The following PHF8 variants were observed in gnomAD, a reference collection of about 807,000 sequenced individuals.
PHF8 encodes histone lysine demethylase PHF8.
PHF8 carries 9 observed loss-of-function variants against 74.4 expected under a neutral mutation model. That is an observed-to-expected ratio of 0.12 (90% CI 0.07 to 0.21). The LOEUF is 0.21. Among genes scored for constraint, PHF8 ranks in the 10% least tolerant of loss-of-function variants. The pLI is 1.00. For missense variants in PHF8, 478 were observed against 816.6 expected, an observed-to-expected ratio of 0.59 and a Z score of 5.05; for synonymous variants, 311 against 316.6, an observed-to-expected ratio of 0.98 and a Z score of 0.19.
At chrX:54,027,216 T>G (rs1358378542) in intron 2 of PHF8, among the ~76,000 whole-genome samples, 4 of 111,062 alleles carry the variant, frequency 3.6e-5, no homozygotes, top group South Asian at 7.6e-4. Flanking sequence ...GTTTACAAAT[T>G]AAAAAACCAA....
chrX:53,988,071 A>T, intron 14 of PHF8, 127 bp from the exon 15 acceptor site: 3 of 560,335 alleles, frequency 5.4e-6, no homozygotes, highest in Non-Finnish European at 9.0e-6. Context: ...AGCTTTTTAA[A>T]TAAAAAGCTG....
At chrX:53,959,851 G>A (rs926389425) in intron 19 of PHF8, among the ~76,000 whole-genome samples, 3 of 82,380 alleles carry the variant, frequency 3.6e-5, no homozygotes, top group Admixed American at 3.0e-4. Flanking sequence ...GCCACAGAGC[G>A]AGTTTCTGCC....
chrX:53,953,750 C>T (rs1007254960), intron 19 of PHF8, among the ~76,000 whole-genome samples: 1 of 108,864 alleles, frequency 9.2e-6, no homozygotes, highest in Admixed American at 9.8e-5. Context: ...ACATAGAAAA[C>T]AAATAGCAAA....
At chrX:54,017,964 C>T in intron 4 of PHF8, 143 bp from the exon 5 acceptor site, 1 of 523,058 alleles carries the variant, frequency 1.9e-6, no homozygotes, top group Non-Finnish European at 3.3e-6. Flanking sequence ...CCTCATCTGC[C>T]AGGGAAGAAA....
chrX:53,963,408 T>C (rs1206115690), intron 18 of PHF8, among the ~76,000 whole-genome samples: 3 of 111,861 alleles, frequency 2.7e-5, no homozygotes, highest in African/African-American at 9.7e-5. Flanking sequence ...ATATGTATTA[T>C]TTATTTCAAA....
Position 54,017,643 on chromosome X carries a change from G to A in PHF8, c.454+18C>T, listed in dbSNP as rs782202938. On this transcript the variant is annotated intron_variant, in intron 5 of 21. Coordinates refer to ENST00000338154, the MANE Select transcript of PHF8 (RefSeq NM_015107.3). ...GGAATGAACAATGTTACAGTTAAAA[G>A]GGTCTGTAGTGTCTTACCAACATAG... 8 of 1,172,398 alleles carry A rather than the reference G, an allele frequency of 6.8e-6. No individual in the cohort carries two copies. The Admixed American group carries it at 1.7e-4, about 25-fold the overall frequency.
intron 2 of PHF8, among the ~76,000 whole-genome samples, chrX:54,024,892 T>A (rs1462601126): frequency 1.8e-5 from 2 of 111,692 alleles, no homozygotes; most frequent in African/African-American, 3.3e-5. Flanking sequence ...TTATTTATTT[T>A]TTGAGACAGA....
intron 18 of PHF8, among the ~76,000 whole-genome samples, chrX:53,964,516 C>T (rs1557091869): frequency 9.0e-6 from 1 of 111,312 alleles, no homozygotes; most frequent in African/African-American, 3.3e-5. Context: ...AAGGCCAGAA[C>T]AAATGCTATA....
intron 8 of PHF8, among the ~76,000 whole-genome samples, chrX:54,009,715 C>T (rs2065949266): frequency 9.5e-6 from 1 of 104,899 alleles, no homozygotes; most frequent in Admixed American, 1.0e-4. Context: ...TGGCAGCAGG[C>T]ACCTGTAATC....
rs2064699136 is a variant in PHF8, at chrX:53,938,381, T to C, written c.*777A>G. 4 of 881,745 alleles carry C rather than the reference T, an allele frequency of 4.5e-6. No individual in the cohort carries two copies. Among genetic ancestry groups the C allele is most frequent in the African/African-American group, 2.1e-5 (1 of 48,501 alleles). 72.7% of individuals were successfully genotyped at this position (881,745 alleles called of 1,213,427 possible). On this transcript the variant is annotated 3_prime_UTR_variant, in exon 22 of 22. Coordinates refer to ENST00000338154, the MANE Select transcript of PHF8 (RefSeq NM_015107.3). ...TGATTTCAAAATCCAGGCAAATCCC[T>C]GGAGCTCACCCTAAAACAAGTGGCC... is the stretch of plus-strand genomic sequence containing the variant.
At chrX:53,952,068 G>A (rs1033442297) in intron 19 of PHF8, among the ~76,000 whole-genome samples, 3 of 109,895 alleles carry the variant, frequency 2.7e-5, no homozygotes, top group Non-Finnish European at 3.8e-5. Context: ...GGCAGATTAC[G>A]AGGTCAAGAG....
chrX:53,954,302 A>C (rs1313586441), intron 19 of PHF8, among the ~76,000 whole-genome samples: 4 of 109,715 alleles, frequency 3.6e-5, no homozygotes, highest in African/African-American at 1.3e-4. Flanking sequence ...GATCGAGACA[A>C]TCCTGGCTAA....
At chrX:54,047,814 T>C (rs1384553293), upstream of PHF8, among the ~76,000 whole-genome samples, 1 of 111,444 alleles carries the variant, frequency 9.0e-6, no homozygotes, top group Admixed American at 9.6e-5. Flanking sequence ...GATAAGGTAG[T>C]CAAGGAAGGG....
intron 2 of PHF8, among the ~76,000 whole-genome samples, chrX:54,039,017 C>G (rs1242496351): frequency 9.2e-6 from 1 of 108,621 alleles, no homozygotes; most frequent in Non-Finnish European, 1.9e-5. Flanking sequence ...ACCTGTAATC[C>G]CAACTACTCA....
chrX:53,995,910 A>G, intron 11 of PHF8, 128 bp from the exon 12 acceptor site: 1 of 429,765 alleles, frequency 2.3e-6, no homozygotes, highest in Non-Finnish European at 4.1e-6. Flanking sequence ...CCAATTGGAT[A>G]TCCACATGCA....
At chrX:53,976,174 G>A (rs190301737) in intron 18 of PHF8, among the ~76,000 whole-genome samples, 5 of 109,701 alleles carry the variant, frequency 4.6e-5, no homozygotes, top group African/African-American at 6.6e-5. Context: ...ACATGGTGGC[G>A]CCTGACTGTA....
intron 18 of PHF8, among the ~76,000 whole-genome samples, chrX:53,972,806 G>T (rs1406182672): frequency 1.8e-5 from 2 of 111,372 alleles, no homozygotes; most frequent in African/African-American, 3.3e-5. Context: ...TGGCAACCAG[G>T]CAAGAGAAAG....
intron 5 of PHF8, among the ~76,000 whole-genome samples, chrX:54,017,149 G>GACTATTAA (rs1281200930): frequency 8.8e-6 from 1 of 113,094 alleles, no homozygotes; most frequent in Non-Finnish European, 1.9e-5. Context: ...GGGTTTTATG[G>GACTATTAA]ACTATTAAAA....
chrX:53,956,448 T>G (rs782733564), intron 19 of PHF8, among the ~76,000 whole-genome samples: 1 of 111,541 alleles, frequency 9.0e-6, no homozygotes. Context: ...ACAGTCATCT[T>G]TTTGGGGGGA....
Sources: allele counts gnomAD v4.1 joint callset (sites outside exome capture counted in the v4.1 genomes callset), GRCh38; gene constraint gnomAD v4.1.1; transcripts MANE v1.5; gene names NCBI Gene and HGNC (gene_info 2026-07-23, HGNC 2026-07-21).